Variants in XPO7 observed in about 807,000 individuals in gnomAD.
XPO7 encodes the protein exportin 7.
XPO7 carries 21 observed loss-of-function variants against 144.3 expected under a neutral mutation model. That is an observed-to-expected ratio of 0.15 (90% confidence interval 0.10 to 0.21). The LOEUF is 0.21. Ranked by LOEUF, XPO7 falls within the 10% of genes least tolerant of loss-of-function variation. The probability of loss-of-function intolerance (pLI) is 1.00; values close to 1 mark genes in which losing one functional copy is unlikely to be tolerated. For missense variants in XPO7, 808 were observed against 1,325.8 expected (o/e 0.61, Z 6.06); for synonymous variants, 580 against 499.6 (o/e 1.16, Z -2.15).
chr8:21,979,711 C>A (rs182537287), intron 8 of XPO7, among the ~76,000 whole-genome samples: 2 of 152,230 alleles, frequency 1.3e-5, no homozygotes, highest in Non-Finnish European at 2.9e-5. Context: ...CCGGCCGATA[C>A]GCTTATTTCT....
intron 1 of XPO7, chr8:21,966,248 T>A (rs759689241): frequency 1.3e-6 from 1 of 777,052 alleles, no homozygotes; most frequent in South Asian, 1.4e-5. Context: ...GGAACCAAAG[T>A]AAGAGTTTAA....
At chr8:21,984,962 A>G (rs899439899) in intron 12 of XPO7, 123 bp downstream of exon 12, 16 of 1,027,904 alleles carry the variant, frequency 1.6e-5, no homozygotes, top group African/African-American at 1.4e-4. Flanking sequence ...TGTTGTCTCC[A>G]TATGCACAAG....
chr8:22,003,749 C>T (rs554410694), intron 26 of XPO7, among the ~76,000 whole-genome samples, 154 bp from the exon 27 acceptor site: 50 of 152,300 alleles, frequency 3.3e-4, no homozygotes, highest in African/African-American at 1.2e-3. Context: ...TATTATCCCA[C>T]AAGTGCTTGC....
In XPO7 at chr8:21,942,194, G is replaced by A. The variant is rs1323333377; in HGVS notation, c.18+22406G>A. Among the ~76,000 whole-genome samples, 3 of 152,260 alleles carry A rather than the reference G, an allele frequency of 2.0e-5. No homozygotes were observed. The South Asian group carries it at 6.2e-4, about 32-fold the overall frequency. On this transcript the variant is annotated intron_variant, in intron 1 of 27. Coordinates refer to ENST00000252512, the MANE Select transcript of XPO7 (RefSeq NM_015024.5). ...TCCTACTGTGTTTAAAGTGGTGCAG[G>A]ACTCTCAGGGGAAGCTTTTCATCAT... is the stretch of plus-strand genomic sequence containing the variant.
At chr8:21,940,841 G>A (rs181091744) in intron 1 of XPO7, among the ~76,000 whole-genome samples, 91 of 152,190 alleles carry the variant, frequency 6.0e-4, no homozygotes, top group African/African-American at 1.9e-3. Context: ...TGCCATAGGC[G>A]GGGTAGAACC....
At chr8:21,978,386 G>A (rs1038093850) in intron 8 of XPO7, among the ~76,000 whole-genome samples, 2 of 152,200 alleles carry the variant, frequency 1.3e-5, no homozygotes, top group African/African-American at 4.8e-5. Context: ...GATTGTTGGT[G>A]TAAATTACCG....
rs565348314 is a variant in XPO7, at chr8:21,989,625, A to G, written c.1868+542A>G. Among the ~76,000 whole-genome samples, 5 of 152,192 alleles carry G rather than the reference A, an allele frequency of 3.3e-5. No homozygotes were observed. In the South Asian group the frequency reaches 8.3e-4, roughly 25 times the overall value. On this transcript the variant is annotated intron_variant, in intron 16 of 27. Transcript: ENST00000252512. ...CTTCTCGCTTTTCCAAATACTGTAT[A>G]TAGCTAGTACCATTCTAAATAGGAG...
At chr8:22,001,848 T>C (rs1428999588) in intron 24 of XPO7, among the ~76,000 whole-genome samples, 1 of 152,224 alleles carries the variant, frequency 6.6e-6, no homozygotes, top group Non-Finnish European at 1.5e-5. Context: ...CTATTTGTTA[T>C]TTTGTGTGAG....
chr8:21,969,467 C>T lies in XPO7; in HGVS notation c.166-16C>T, dbSNP rs981309490. 2 of 1,605,070 alleles carry T rather than the reference C, an allele frequency of 1.2e-6. No homozygotes were observed. The highest frequency in any genetic ancestry group is 3.4e-5 in the Admixed American group (2 of 58,982). ...CTCAATACAATTTTAAGTCCTTTTTCCCTCTCTTTTCACAGTCCTCTTACT... is the reference window on the plus strand; with the variant it reads ...CTCAATACAATTTTAAGTCCTTTTTTCCTCTCTTTTCACAGTCCTCTTACT... On this transcript the variant is annotated splice_polypyrimidine_tract_variant and intron_variant, in intron 2 of 27. Coordinates refer to ENST00000252512, the MANE Select transcript of XPO7 (RefSeq NM_015024.5).
intron 1 of XPO7, chr8:21,964,286 C>T (rs2117318604): frequency 6.6e-6 from 1 of 152,260 alleles, no homozygotes; most frequent in African/African-American, 2.4e-5. Context: ...ACTAGGAAAA[C>T]ATTGGACATA....
intron 21 of XPO7, among the ~76,000 whole-genome samples, chr8:21,997,330 CT>C (rs1380581206): frequency 5.9e-5 from 9 of 152,152 alleles, no homozygotes; most frequent in Non-Finnish European, 1.3e-4. Context: ...TATGGAAGAT[CT>C]TTCCAGTGAT....
chr8:21,929,539 A>T (rs952349363), intron 1 of XPO7, among the ~76,000 whole-genome samples: 8 of 152,342 alleles, frequency 5.3e-5, no homozygotes, highest in Admixed American at 4.6e-4. Flanking sequence ...TATAGTTGTA[A>T]CTGTTTTACA....
chr8:21,976,932 T>G lies in XPO7; in HGVS notation c.763+411T>G, dbSNP rs139457672. On this transcript the variant is annotated intron_variant, in intron 7 of 27. Coordinates refer to ENST00000252512, the MANE Select transcript of XPO7 (RefSeq NM_015024.5). ...TCTTGGCCTCCCAGAGTGCTGGGACTACAGGTGTGAGCCACTGTGCCCAGC... is the reference window on the plus strand; with the variant it reads ...TCTTGGCCTCCCAGAGTGCTGGGACGACAGGTGTGAGCCACTGTGCCCAGC... Among the ~76,000 whole-genome samples, 251 of 152,358 alleles carry G rather than the reference T, an allele frequency of 1.6e-3. 1 individual carries two copies. Among genetic ancestry groups the G allele is most frequent in the African/African-American group, 5.9e-3 (245 of 41,590 alleles).
chr8:21,985,092 T>C (rs1159292425), intron 12 of XPO7, among the ~76,000 whole-genome samples: 1 of 152,206 alleles, frequency 6.6e-6, no homozygotes, highest in African/African-American at 2.4e-5. Context: ...GGCCTTGTAC[T>C]TCTTGGCTCA....
At chr8:21,921,583 G>A (rs540952129) in intron 1 of XPO7, 1 of 152,114 alleles carries the variant, frequency 6.6e-6, no homozygotes, top group Non-Finnish European at 1.5e-5. Flanking sequence ...TGAAAGTCAG[G>A]ATGCATCAAA....
intron 19 of XPO7, among the ~76,000 whole-genome samples, chr8:21,993,602 G>A (rs1211729915): frequency 6.6e-6 from 1 of 152,114 alleles, no homozygotes; most frequent in East Asian, 1.9e-4. Context: ...ATTGGATTTG[G>A]AGTCTTGGTA....
At chr8:21,993,145 A>G (rs10503714) in intron 19 of XPO7, among the ~76,000 whole-genome samples, 31,813 of 152,188 alleles carry the variant, frequency 0.21, 4,873 homozygotes, top group African/African-American at 0.43. Context: ...ACATATTACC[A>G]ACTTTAGGCT....
chr8:21,976,330 G>T (rs755408902), intron 6 of XPO7, 26 bp from the exon 7 acceptor site: 3 of 1,605,610 alleles, frequency 1.9e-6, no homozygotes, highest in African/African-American at 1.3e-5. Flanking sequence ...TGATTTTGGG[G>T]ACTCATTATG....
In XPO7 at chr8:21,995,698, T is replaced by A. The variant is rs187285077; in HGVS notation, c.2345+99T>A. Reference sequence around the variant, plus strand: ...GGGCAGATTGTGGGAAATAATAAGATTCACTACTGCATTTTAAAATTCGAA... The same window carrying A: ...GGGCAGATTGTGGGAAATAATAAGAATCACTACTGCATTTTAAAATTCGAA... On this transcript the variant is annotated intron_variant, in intron 21 of 27. Transcript: ENST00000252512. The A allele has an allele frequency of 9.7e-4, 861 of 884,386 alleles. 1 individual carries two copies. Among genetic ancestry groups the A allele is most frequent in the Non-Finnish European group, 1.2e-3 (727 of 602,916 alleles). 54.8% of individuals were successfully genotyped at this position (884,386 alleles called of 1,614,324 possible).
Sources: gnomAD v4.1 joint callset for allele counts (sites outside exome capture counted in the v4.1 genomes callset) on GRCh38, gnomAD v4.1.1 for gene constraint, MANE v1.5 for transcripts, NCBI Gene and HGNC (gene_info 2026-07-23, HGNC 2026-07-21) for gene names.